Variants in IL1RAPL2 observed in about 807,000 individuals in gnomAD.
IL1RAPL2 encodes interleukin 1 receptor accessory protein like 2.
A neutral mutation model predicts 44.1 loss-of-function variants in IL1RAPL2; 3 were observed. The ratio of observed to expected loss-of-function variants is 0.07; its 90% CI spans 0.03 to 0.18. IL1RAPL2 has a LOEUF of 0.18. Ranked by LOEUF, IL1RAPL2 falls within the 10% of genes least tolerant of loss-of-function variation. The pLI is 1.00. For synonymous variants in IL1RAPL2, 181 were observed against 178.8 expected (o/e 1.01, Z -0.10); for missense variants, 391 against 496.4 (o/e 0.79, Z 2.02).
chrX:104,617,205 C>T (rs779455426), intron 1 of IL1RAPL2, among the ~76,000 whole-genome samples: 2 of 112,055 alleles, frequency 1.8e-5, no homozygotes, highest in South Asian at 7.5e-4. Context: ...CAGAATCTCT[C>T]TTGGCTTTTA....
At chrX:104,749,325 C>G (rs1932221983) in intron 2 of IL1RAPL2, among the ~76,000 whole-genome samples, 1 of 110,784 alleles carries the variant, frequency 9.0e-6, no homozygotes, top group African/African-American at 3.3e-5. Flanking sequence ...GAAGTTTAGC[C>G]CCTGCATGCC....
chrX:105,441,688 T>C (rs2035921195), intron 5 of IL1RAPL2, among the ~76,000 whole-genome samples: 1 of 111,824 alleles, frequency 8.9e-6, no homozygotes, highest in Non-Finnish European at 1.9e-5. Context: ...AATTAAGACA[T>C]GACAAGTTCC....
intron 2 of IL1RAPL2, among the ~76,000 whole-genome samples, chrX:105,113,985 G>T (rs1023833696): frequency 1.3e-4 from 14 of 111,892 alleles, no homozygotes; most frequent in Admixed American, 4.7e-4. Flanking sequence ...GGCATATTAA[G>T]TTCTCTGAGC....
intron 2 of IL1RAPL2, among the ~76,000 whole-genome samples, chrX:105,181,288 C>G (rs782526200): frequency 3.0e-4 from 33 of 111,426 alleles, no homozygotes; most frequent in Admixed American, 1.3e-3. Context: ...TTTTGTTGAT[C>G]CTTTGTATTA....
At chrX:105,259,568 C>G (rs1373260132) in intron 4 of IL1RAPL2, among the ~76,000 whole-genome samples, 1 of 111,389 alleles carries the variant, frequency 9.0e-6, no homozygotes, top group Non-Finnish European at 1.9e-5. Context: ...GCAATCAGCC[C>G]AGGATGAAGG....
chrX:105,293,822 C>A (rs1310243171), intron 5 of IL1RAPL2, among the ~76,000 whole-genome samples: 1 of 111,168 alleles, frequency 9.0e-6, no homozygotes, highest in Non-Finnish European at 1.9e-5. Context: ...CTCTAAGGAC[C>A]CTTTAAGCTG....
At chrX:104,884,041 C>T (rs892198815) in intron 2 of IL1RAPL2, among the ~76,000 whole-genome samples, 2 of 111,689 alleles carry the variant, frequency 1.8e-5, no homozygotes, top group Admixed American at 9.5e-5. Flanking sequence ...AACAGATTTT[C>T]GAGAATGCAT....
chrX:105,040,450 G>A (rs1250601635), intron 2 of IL1RAPL2, among the ~76,000 whole-genome samples: 4 of 111,489 alleles, frequency 3.6e-5, no homozygotes, highest in African/African-American at 3.3e-5. Flanking sequence ...AGTTTCAGAA[G>A]GAATGGTACC....
At chrX:104,729,641 T>C (rs1268322690) in intron 2 of IL1RAPL2, among the ~76,000 whole-genome samples, 2 of 109,514 alleles carry the variant, frequency 1.8e-5, no homozygotes, top group Non-Finnish European at 3.8e-5. Flanking sequence ...TTTTTTTTTT[T>C]ATCTTATCCC....
intron 2 of IL1RAPL2, among the ~76,000 whole-genome samples, chrX:105,111,757 A>G (rs1427100833): frequency 9.0e-6 from 1 of 111,697 alleles, no homozygotes; most frequent in Non-Finnish European, 1.9e-5. Context: ...AATTAACTTT[A>G]AAAGTTTCCT....
At chrX:104,958,673 G>T (rs368111748) in intron 2 of IL1RAPL2, among the ~76,000 whole-genome samples, 1 of 105,090 alleles carries the variant, frequency 9.5e-6, no homozygotes, top group African/African-American at 3.5e-5. Context: ...ATGTGCCTTG[G>T]ATTCCTTCTT....
intron 2 of IL1RAPL2, among the ~76,000 whole-genome samples, chrX:105,150,971 C>A (rs1459461378): frequency 8.9e-6 from 1 of 112,026 alleles, no homozygotes; most frequent in Admixed American, 9.5e-5. Context: ...AACTATAAAT[C>A]CAAGGAGATT....
intron 4 of IL1RAPL2, among the ~76,000 whole-genome samples, chrX:105,256,638 A>C (rs2147650249): frequency 9.0e-6 from 1 of 111,212 alleles, no homozygotes; most frequent in Non-Finnish European, 1.9e-5. Flanking sequence ...CTATTGATTC[A>C]ATTTCAAAGC....
chrX:104,909,929 A>G (rs1924176156), intron 2 of IL1RAPL2, among the ~76,000 whole-genome samples: 1 of 112,125 alleles, frequency 8.9e-6, no homozygotes, highest in Non-Finnish European at 1.9e-5. Context: ...AGCCTGGGTA[A>G]TGGTGGGCGC....
At chrX:105,396,772 T>A (rs1227224937) in intron 5 of IL1RAPL2, among the ~76,000 whole-genome samples, 1 of 109,073 alleles carries the variant, frequency 9.2e-6, no homozygotes, top group Non-Finnish European at 1.9e-5. Context: ...AGGATAGAAT[T>A]TCAATGAGAC....
At position 105,712,085 on chromosome X, in the gene IL1RAPL2, G is replaced by A. The variant is rs193008071; in HGVS notation, c.773-5282G>A. On this transcript the variant is annotated intron_variant, in intron 6 of 10. Transcript: ENST00000372582. The stretch of plus-strand genomic sequence containing the variant: ...ATATGCTTGTGGCCCTACAGTTCTG[G>A]GGTCTCTGAGGTGACCCCACTCCTA... Among the ~76,000 whole-genome samples, 388 of 111,166 alleles carry A rather than the reference G, an allele frequency of 3.5e-3. 1 individual carries two copies. Among genetic ancestry groups the A allele is most frequent in the African/African-American group, 0.012 (373 of 30,598 alleles).
chrX:105,223,018 C>G (rs1334551598), intron 3 of IL1RAPL2, among the ~76,000 whole-genome samples: 1 of 110,328 alleles, frequency 9.1e-6, no homozygotes, highest in Non-Finnish European at 1.9e-5. Context: ...GGCGTAATGG[C>G]GCACGCCTGT....
At chrX:105,580,820 G>A (rs373853450) in intron 6 of IL1RAPL2, among the ~76,000 whole-genome samples, 1 of 111,684 alleles carries the variant, frequency 9.0e-6, no homozygotes, top group South Asian at 3.7e-4. Context: ...AACACTGTAC[G>A]GAAATTTTAA....
intron 2 of IL1RAPL2, among the ~76,000 whole-genome samples, chrX:105,093,287 G>A: frequency 9.0e-6 from 1 of 111,618 alleles, no homozygotes; most frequent in Non-Finnish European, 1.9e-5. Flanking sequence ...ATAAAAATTG[G>A]AAATCCTTCC....
Sources: gnomAD v4.1 joint callset for allele counts (sites outside exome capture counted in the v4.1 genomes callset) on GRCh38, gnomAD v4.1.1 for gene constraint, MANE v1.5 for transcripts, NCBI Gene and HGNC (gene_info 2026-07-23, HGNC 2026-07-21) for gene names.